Variants in TTC6 observed in about 807,000 individuals in gnomAD.
TTC6 encodes the protein tetratricopeptide repeat domain 6.
TTC6 carries 172 observed loss-of-function variants against 210.4 expected under a neutral mutation model. The observed-to-expected ratio is 0.82, with a 90% CI of 0.72 to 0.93. The LOEUF (loss-of-function observed/expected upper bound fraction) is 0.93, where lower values mean the gene tolerates loss of function less well. Among genes scored for constraint, TTC6 ranks in the 40% least tolerant of loss-of-function variants. The pLI is 0.00. For synonymous variants in TTC6, 804 were observed against 819.6 expected (o/e 0.98, Z 0.32); for missense variants, 2,414 against 2,318.1 (o/e 1.04, Z -0.85).
intron 29 of TTC6, among the ~76,000 whole-genome samples, chr14:37,840,031 T>C (rs1314688392): frequency 2.6e-5 from 4 of 152,138 alleles, no homozygotes; most frequent in African/African-American, 9.7e-5. Context: ...ACCAGTACCA[T>C]GCCTGGTTAC....
chr14:37,806,355 C>CT lies in TTC6; in HGVS notation c.4165-5dup. The CT allele has an allele frequency of 6.5e-7, 1 of 1,534,472 alleles. No individual in the cohort carries two copies. Among genetic ancestry groups the CT allele is most frequent in the Non-Finnish European group, 8.7e-7 (1 of 1,146,028 alleles). ...TGGTTTGCATTTTGACAATATGCTC[C>CT]TGTAGGCTTTTGATTCTTTTACAAA... is the stretch of plus-strand genomic sequence containing the variant. On this transcript the variant is annotated splice_polypyrimidine_tract_variant and splice_region_variant and intron_variant, in intron 21 of 30. Coordinates refer to ENST00000553443, the Ensembl canonical transcript of TTC6.
At position 37,748,923 on chromosome 14, in the gene TTC6, C is replaced by T; in HGVS notation, c.2364-16C>T. 1 of 1,425,640 alleles carries T rather than the reference C, an allele frequency of 7.0e-7. No individual in the cohort carries two copies. The highest frequency in any genetic ancestry group is 9.1e-7 in the Non-Finnish European group (1 of 1,094,178). The allele number at this position is 1,425,640 out of a possible 1,614,324, so 88.3% of individuals were successfully genotyped here. ...GTATTTCTGTAATTTAAAAAAATCA[C>T]TCTTTTAAAAACTAGATCAGCATCT... On this transcript the variant is annotated splice_polypyrimidine_tract_variant and intron_variant, in intron 10 of 30. Coordinates refer to ENST00000553443, the Ensembl canonical transcript of TTC6.
intron 14 of TTC6, among the ~76,000 whole-genome samples, chr14:37,785,437 G>A (rs1045999547): frequency 6.6e-6 from 1 of 152,162 alleles, no homozygotes; most frequent in East Asian, 1.9e-4. Flanking sequence ...CATGCATCAC[G>A]TAGTTCTTGT....
At chr14:37,743,247 G>A (rs528023482) in intron 10 of TTC6, among the ~76,000 whole-genome samples, 61 of 152,310 alleles carry the variant, frequency 4.0e-4, no homozygotes, top group East Asian at 1.5e-3. Context: ...TGGGGTAGAT[G>A]TAAACAGCCA....
chr14:37,767,741 T>G (rs1002825787), intron 14 of TTC6, among the ~76,000 whole-genome samples: 13 of 151,834 alleles, frequency 8.6e-5, no homozygotes, highest in African/African-American at 3.1e-4. Flanking sequence ...TTTCTCCCAT[T>G]TTGTAGGTTG....
chr14:37,823,344 A>G (rs2096162403), intron 26 of TTC6, among the ~76,000 whole-genome samples: 2 of 152,192 alleles, frequency 1.3e-5, no homozygotes, highest in Admixed American at 1.3e-4. Flanking sequence ...AGGAAATATT[A>G]AATACATATA....
At chr14:37,801,694 G>A (rs1183115903) in intron 20 of TTC6, among the ~76,000 whole-genome samples, 1 of 152,056 alleles carries the variant, frequency 6.6e-6, no homozygotes, top group Non-Finnish European at 1.5e-5. Context: ...CCAGCAAGCT[G>A]GTATCTCATT....
chr14:37,597,841 C>G (rs1211157544), intron 1 of TTC6, among the ~76,000 whole-genome samples: 1 of 152,152 alleles, frequency 6.6e-6, no homozygotes, highest in African/African-American at 2.4e-5. Context: ...GATTTAGGTT[C>G]TTAGAGCCGA....
intron 28 of TTC6, among the ~76,000 whole-genome samples, 159 bp from the exon 31 acceptor site, chr14:37,827,037 C>T (rs761798882): frequency 5.3e-5 from 8 of 151,994 alleles, no homozygotes; most frequent in Non-Finnish European, 1.2e-4. Flanking sequence ...AACTTCATAC[C>T]AACTCCTTTC....
chr14:37,620,370 G>A (rs1282796969), upstream of TTC6, among the ~76,000 whole-genome samples: 1 of 152,030 alleles, frequency 6.6e-6, no homozygotes, highest in Non-Finnish European at 1.5e-5. Flanking sequence ...CTTGACCTTA[G>A]GTATTCTCTA....
rs1468904609 is a variant in TTC6, at chr14:37,701,192, A to G, written c.1377-140A>G. The G allele has an allele frequency of 4.0e-5, 22 of 543,486 alleles. No individual in the cohort carries two copies. The East Asian group carries it at 6.6e-4, about 16-fold the overall frequency. The allele number at this position is 543,486 out of a possible 1,614,324, so 33.7% of individuals were successfully genotyped here. ...GATTGTGATATTAAATTTGTTATAT[A>G]CCATTATTATAGTTTTAAATCAGAT... On this transcript the variant is annotated intron_variant, in intron 4 of 30. Coordinates refer to ENST00000553443, the Ensembl canonical transcript of TTC6.
At chr14:37,780,656 T>C (rs537569736) in intron 14 of TTC6, among the ~76,000 whole-genome samples, 2 of 152,278 alleles carry the variant, frequency 1.3e-5, no homozygotes, top group African/African-American at 4.8e-5. Flanking sequence ...ATACTTTAAG[T>C]TCTGGGTTAC....
chr14:37,725,095 C>T, intron 7 of TTC6, 93 bp downstream of exon 9: 1 of 640,280 alleles, frequency 1.6e-6, no homozygotes, highest in Non-Finnish European at 2.4e-6. Context: ...TTTTACTGGC[C>T]ATTTATGTAA....
chr14:37,624,372 C>A (rs1249778585), intron 1 of TTC6, among the ~76,000 whole-genome samples: 2 of 152,116 alleles, frequency 1.3e-5, no homozygotes, highest in African/African-American at 4.8e-5. Context: ...GCCTCGGTGC[C>A]CCTACTTCTG....
At chr14:37,699,126 AAAAG>A (rs1337274567) in intron 4 of TTC6, among the ~76,000 whole-genome samples, 6 of 152,320 alleles carry the variant, frequency 3.9e-5, no homozygotes, top group Non-Finnish European at 7.3e-5. Flanking sequence ...CAGTTTGTAA[AAAAG>A]AAAAAAAGAT....
At chr14:37,654,378 T>C (rs571259102) in intron 1 of TTC6, among the ~76,000 whole-genome samples, 1 of 152,078 alleles carries the variant, frequency 6.6e-6, no homozygotes, top group Admixed American at 6.5e-5. Context: ...CACAAAAAAT[T>C]TAAAAATAAT....
intron 1 of TTC6, 63 bp from the exon 2 acceptor site, chr14:37,606,600 C>A: frequency 2.9e-6 from 1 of 343,968 alleles, no homozygotes; most frequent in Non-Finnish European, 4.1e-6. Flanking sequence ...ATTGCTAGAC[C>A]TTGAGTGACT....
intron 14 of TTC6, among the ~76,000 whole-genome samples, chr14:37,786,427 G>T (rs1402543152): frequency 1.3e-5 from 2 of 152,234 alleles, no homozygotes; most frequent in Non-Finnish European, 2.9e-5. Context: ...CTCCAAGCCA[G>T]GTGCGGGATA....
In TTC6 at chr14:37,771,945, T is replaced by G. The variant is rs543333962; in HGVS notation, c.3267-15523T>G. Among the ~76,000 whole-genome samples the G allele has an allele frequency of 4.3e-4, 66 of 152,300 alleles. No homozygotes were observed. In the South Asian group the frequency reaches 0.013, roughly 30 times the overall value. ...CCCATCTTTGTGGTTTTATCTACTT[T>G]TGGTCTTTGATGATGGTGATGTACA... On this transcript the variant is annotated intron_variant, in intron 14 of 30. Transcript: ENST00000553443.
Sources: allele counts gnomAD v4.1 joint callset (sites outside exome capture counted in the v4.1 genomes callset), GRCh38; gene constraint gnomAD v4.1.1; transcripts MANE v1.5; gene names NCBI Gene and HGNC (gene_info 2026-07-23, HGNC 2026-07-21).